Variants in GSDMC observed in about 807,000 individuals in gnomAD.
The protein encoded by GSDMC is gasdermin C, also known as gasdermin-C.
In GSDMC, 59 loss-of-function variants were observed where a neutral mutation model predicts 58.0. That is an observed-to-expected ratio of 1.02 (90% CI 0.82 to 1.26). GSDMC has a LOEUF of 1.26. GSDMC is among the 50% of genes most tolerant of loss of function. GSDMC has a pLI of 0.00. For missense variants in GSDMC, 659 were observed against 598.5 expected (o/e 1.10, Z -1.06); for synonymous variants, 241 against 220.2 (o/e 1.09, Z -0.83).
At chr8:129,763,563 T>C (rs2033749842) in intron 4 of GSDMC, among the ~76,000 whole-genome samples, 1 of 152,152 alleles carries the variant, frequency 6.6e-6, no homozygotes, top group Admixed American at 6.6e-5. Context: ...TTAAATCTCC[T>C]CGACTGATCC....
intron 1 of GSDMC, among the ~76,000 whole-genome samples, chr8:129,780,188 T>A (rs186429988): frequency 6.6e-6 from 1 of 152,240 alleles, no homozygotes; most frequent in African/African-American, 2.4e-5. Context: ...TTACTGGCCT[T>A]AAAGAGAAGA....
At chr8:129,724,054 A>G in the GSDMC span, among the ~76,000 whole-genome samples, 1 of 152,230 alleles carries the variant, frequency 6.6e-6, no homozygotes, top group African/African-American at 2.4e-5. Flanking sequence ...GGCTTGCTGT[A>G]TCCTGAGGCA....
rs776966160 is a variant in GSDMC at position 129,751,569 on chromosome 8, C to T, written c.917-1G>A. On this transcript the variant is annotated splice_acceptor_variant, in intron 9 of 13. Coordinates refer to ENST00000276708, the MANE Select transcript of GSDMC (RefSeq NM_031415.3). LOFTEE classifies it high-confidence loss of function. Reference sequence around the variant, plus strand: ...TGCCAGAAGGGTTCCTCTATTCTTCCTAGAAGGAGAATCAAGTCATCATCT... The same window carrying T: ...TGCCAGAAGGGTTCCTCTATTCTTCTTAGAAGGAGAATCAAGTCATCATCT... 4 of 1,612,368 alleles carry T rather than the reference C, an allele frequency of 2.5e-6. No homozygotes were observed. The highest frequency in any genetic ancestry group is 2.7e-5 in the African/African-American group (2 of 74,820).
chr8:129,781,605 C>T (rs1180568998), intron 1 of GSDMC, among the ~76,000 whole-genome samples: 1 of 152,024 alleles, frequency 6.6e-6, no homozygotes, highest in Non-Finnish European at 1.5e-5. Flanking sequence ...ATTAGCCAGG[C>T]GTGGTGGTGG....
chr8:129,758,806 A>G (rs2033542603), intron 6 of GSDMC, among the ~76,000 whole-genome samples: 2 of 152,172 alleles, frequency 1.3e-5, no homozygotes, highest in South Asian at 4.1e-4. Context: ...CAATCTACAG[A>G]TTCAATGCAA....
chr8:129,710,295 T>G, the GSDMC span, among the ~76,000 whole-genome samples: 1 of 152,178 alleles, frequency 6.6e-6, no homozygotes, highest in Non-Finnish European at 1.5e-5. Flanking sequence ...AATGAGCAAA[T>G]GGGCACGTAC....
intron 1 of GSDMC, among the ~76,000 whole-genome samples, chr8:129,780,714 A>G (rs1048143627): frequency 6.6e-6 from 1 of 152,206 alleles, no homozygotes; most frequent in African/African-American, 2.4e-5. Context: ...ACAAAACTCA[A>G]TGGTAGTAGG....
chr8:129,759,207 C>A (rs1295202225), intron 6 of GSDMC, among the ~76,000 whole-genome samples: 1 of 152,078 alleles, frequency 6.6e-6, no homozygotes, highest in Non-Finnish European at 1.5e-5. Flanking sequence ...ATACAAAAAT[C>A]AAATCAAAAT....
chr8:129,725,056 C>G, the GSDMC span, among the ~76,000 whole-genome samples: 3 of 152,192 alleles, frequency 2.0e-5, no homozygotes, highest in Non-Finnish European at 2.9e-5. Context: ...CTAACTTGAG[C>G]TGTTGTGATT....
the GSDMC span, among the ~76,000 whole-genome samples, chr8:129,736,087 G>A: frequency 6.0e-5 from 9 of 149,612 alleles, no homozygotes; most frequent in African/African-American, 1.9e-4. Context: ...ACACACACAT[G>A]CTCCGGAAGA....
At chr8:129,751,073 A>T (rs1012771193) in intron 10 of GSDMC, among the ~76,000 whole-genome samples, 12 of 152,260 alleles carry the variant, frequency 7.9e-5, no homozygotes, top group African/African-American at 2.6e-4. Context: ...GGAATTTAAG[A>T]CCAGCCTGGT....
At chr8:129,764,583 C>G (rs1165485488) in intron 4 of GSDMC, among the ~76,000 whole-genome samples, 2 of 152,150 alleles carry the variant, frequency 1.3e-5, no homozygotes, top group African/African-American at 4.8e-5. Flanking sequence ...TCCAGAAGGT[C>G]TTCTGCCAGA....
chr8:129,732,629 A>G, the GSDMC span, among the ~76,000 whole-genome samples: 2 of 152,238 alleles, frequency 1.3e-5, no homozygotes, highest in Non-Finnish European at 2.9e-5. Context: ...GATTGCAAGG[A>G]AGCTCAATGA....
chr8:129,777,047 G>A lies in GSDMC; in HGVS notation c.220+321C>T, dbSNP rs182499606. On this transcript the variant is annotated intron_variant, in intron 2 of 13. Transcript: ENST00000276708. ...GGTCTCCCAAAGCACTGGGATTATA[G>A]GCATGAGCCACAGTGCCCAGCCCCC... is the stretch of plus-strand genomic sequence containing the variant. Among the ~76,000 whole-genome samples, 401 of 152,128 alleles carry A rather than the reference G, an allele frequency of 2.6e-3. 2 individuals are homozygous for A. Among genetic ancestry groups the A allele is most frequent in the Non-Finnish European group, 4.6e-3 (316 of 68,006 alleles).
intron 7 of GSDMC, 93 bp downstream of exon 7, chr8:129,752,605 C>T: frequency 2.0e-6 from 3 of 1,527,738 alleles, no homozygotes; most frequent in Non-Finnish European, 1.8e-6. Flanking sequence ...CTACATGGTT[C>T]ATACACCCCA....
chr8:129,721,424 C>T, the GSDMC span, among the ~76,000 whole-genome samples: 4 of 152,184 alleles, frequency 2.6e-5, no homozygotes, highest in Non-Finnish European at 5.9e-5. Context: ...TACTGCCTTA[C>T]TCTTCTCTCC....
chr8:129,753,339 T>A (rs1362257155), intron 6 of GSDMC, among the ~76,000 whole-genome samples: 1 of 152,132 alleles, frequency 6.6e-6, no homozygotes. Flanking sequence ...TGGGTAGAGT[T>A]GTGAGGCCCC....
the GSDMC span, among the ~76,000 whole-genome samples, chr8:129,734,537 A>G: frequency 1.3e-5 from 2 of 152,216 alleles, no homozygotes; most frequent in African/African-American, 2.4e-5. Context: ...TTCCTAAAGA[A>G]AAGAATTTTC....
At chr8:129,776,883 C>T (rs1201469898) in intron 2 of GSDMC, among the ~76,000 whole-genome samples, 2 of 152,058 alleles carry the variant, frequency 1.3e-5, no homozygotes, top group Non-Finnish European at 2.9e-5. Flanking sequence ...GCCTCAGCCT[C>T]CCGAGTAGCT....
Sources: allele counts gnomAD v4.1 joint callset (sites outside exome capture counted in the v4.1 genomes callset), GRCh38; gene constraint gnomAD v4.1.1; transcripts MANE v1.5; gene names NCBI Gene and HGNC (gene_info 2026-07-23, HGNC 2026-07-21).